The following HEATR6 variants were observed in gnomAD, a reference collection of about 807,000 sequenced individuals.
The protein encoded by HEATR6 is HEAT repeat-containing protein 6.
Under a neutral mutation model 132.8 loss-of-function variants are expected in HEATR6, and 106 were observed. The ratio of observed to expected loss-of-function variants is 0.80; its 90% CI spans 0.68 to 0.94. The LOEUF (loss-of-function observed/expected upper bound fraction) is 0.94, where lower values mean the gene tolerates loss of function less well. Among genes scored for constraint, HEATR6 ranks in the 40% least tolerant of loss-of-function variants. The pLI is 0.00. For synonymous variants in HEATR6, 529 were observed against 537.8 expected (o/e 0.98, Z 0.23); for missense variants, 1,339 against 1,425.1 (o/e 0.94, Z 0.97).
At chr17:60,068,801 TTCCC>T (rs2083255361) in intron 7 of HEATR6, among the ~76,000 whole-genome samples, 3 of 152,144 alleles carry the variant, frequency 2.0e-5, no homozygotes, top group African/African-American at 4.8e-5. Context: ...AAGCCTCCTC[TTCCC>T]CCTCCATTTA....
Position 60,050,835 on chromosome 17 carries a change from CACATT to C in HEATR6, c.2424+3_2424+7del. The stretch of plus-strand genomic sequence containing the variant: ...TGATTTAAGGGTGAGAAAACACCCT[CACATT>C]ACCGGCAGATTGCTGAAGGCCTCTG... On this transcript the variant is annotated splice_donor_5th_base_variant and intron_variant, in intron 15 of 19. Transcript: ENST00000184956. The C allele has an allele frequency of 6.2e-7, 1 of 1,614,088 alleles. No homozygotes were observed. The highest frequency in any genetic ancestry group is 8.5e-7 in the Non-Finnish European group (1 of 1,179,988).
intron 3 of HEATR6, 35 bp from the exon 4 acceptor site, chr17:60,073,314 A>G (rs776676720): frequency 2.5e-6 from 3 of 1,201,090 alleles, no homozygotes; most frequent in Admixed American, 3.6e-5. Flanking sequence ...GGTCAAAGAA[A>G]AGCTTCTAGG....
At chr17:60,078,658 T>TGGGGCC (rs967721153) in intron 1 of HEATR6, 38 bp downstream of exon 1, 55 of 1,493,456 alleles carry the variant, frequency 3.7e-5, no homozygotes, top group Middle Eastern at 2.2e-4. Context: ...CCCGGAGGGG[T>TGGGGCC]GGGGCCGGGG....
chr17:60,043,662 T>A lies in HEATR6; in HGVS notation c.3447A>T (p.Thr1149=), dbSNP rs115876236. 695 of 1,614,182 alleles carry A rather than the reference T, an allele frequency of 4.3e-4. 4 individuals carry two copies. The African/African-American group carries it at 8.4e-3, about 20-fold the overall frequency. The change falls in exon 20 of 20, where the codon ACA becomes ACT. Residue 1149 remains threonine (T), a synonymous_variant. Transcript: ENST00000184956. ...MGSIQAPTGD[T]ARRAIMGFLE... is the part of the protein sequence containing the mutation. ...AAAAGCCCATGATGGCCCTTCTGGC[T>A]GTGTCTCCAGTTGGTGCCTGGATGC...
Position 60,043,311 on chromosome 17 carries a change from T to C in HEATR6, c.*252A>G, listed in dbSNP as rs1906245074. 1.1e-5 allele frequency: 5 copies of C among 462,398 alleles called. No homozygotes were observed. The highest frequency in any genetic ancestry group is 1.9e-5 in the Non-Finnish European group (5 of 260,604). 28.6% of individuals were successfully genotyped at this position (462,398 alleles called of 1,614,324 possible). Reference sequence around the variant, plus strand: ...GCCCTCAAAGCCCGTCTGCTTGGCCTGTATTACAACCTGACTCCTCGGCTC... The same window carrying C: ...GCCCTCAAAGCCCGTCTGCTTGGCCCGTATTACAACCTGACTCCTCGGCTC... On this transcript the variant is annotated 3_prime_UTR_variant, in exon 20 of 20. Coordinates refer to ENST00000184956, the MANE Select transcript of HEATR6 (RefSeq NM_022070.5).
chr17:60,059,740 G>A, intron 10 of HEATR6, 150 bp downstream of exon 10: 1 of 692,404 alleles, frequency 1.4e-6, no homozygotes, highest in Non-Finnish European at 2.5e-6. Flanking sequence ...GATAAGATCA[G>A]ACGAGTAGGT....
chr17:60,072,385 C>A, intron 4 of HEATR6, 56 bp from the exon 5 acceptor site: 2 of 897,940 alleles, frequency 2.2e-6, no homozygotes, highest in South Asian at 1.6e-5. Context: ...ATGAGGCTTG[C>A]AAAAGACTAA....
chr17:60,066,432 T>A (rs1362806255), intron 8 of HEATR6, 46 bp from the exon 9 acceptor site: 1 of 1,403,410 alleles, frequency 7.1e-7, no homozygotes, highest in Non-Finnish European at 9.7e-7. Flanking sequence ...AAAAATCATT[T>A]TTTTAAAAAA....
Position 60,056,200 on chromosome 17 carries a change from G to A in HEATR6, c.2117C>T (p.Thr706Ile). The A allele has an allele frequency of 6.2e-7, 1 of 1,614,090 alleles. No individual in the cohort carries two copies. Among genetic ancestry groups the A allele is most frequent in the Non-Finnish European group, 8.5e-7 (1 of 1,179,958 alleles). ...TCCAAGCTCCATCAAGTAGGCTTGA[G>A]TCATTGAAAAGTAGCCCCTTGCCAG... ...TLLARGYFSM[T>I]QAYLMELGEV... Residue 706 changes from threonine to isoleucine, a missense_variant, in exon 13 of 20, where the codon ACT becomes ATT. Coordinates refer to ENST00000184956, the MANE Select transcript of HEATR6 (RefSeq NM_022070.5).
rs112404060 is a variant in HEATR6 at position 60,051,085 on chromosome 17, G to C, written c.2290-108C>G. 2.0e-5 allele frequency: 24 copies of C among 1,195,062 alleles called. 1 individual carries two copies. The highest frequency in any genetic ancestry group is 9.2e-5 in the African/African-American group (6 of 65,076). The allele number at this position is 1,195,062 out of a possible 1,614,324, so 74.0% of individuals were successfully genotyped here. ...TAGTGAAACATTTTCCCTTAAAGTA[G>C]CAGCTTTCTGTAAGTGTTTTCATTG... On this transcript the variant is annotated intron_variant, in intron 14 of 19. Coordinates refer to ENST00000184956, the MANE Select transcript of HEATR6 (RefSeq NM_022070.5).
chr17:60,059,355 T>C, intron 11 of HEATR6, 67 bp downstream of exon 11: 1 of 876,524 alleles, frequency 1.1e-6, no homozygotes, highest in South Asian at 1.5e-5. Flanking sequence ...TCTATATCTG[T>C]ATATTTTTAC....
rs112236216 is a variant in HEATR6 at position 60,042,985 on chromosome 17, G to A, written c.*578C>T. 2 of 133,124 alleles carry A rather than the reference G, an allele frequency of 1.5e-5. No homozygotes were observed. Among genetic ancestry groups the A allele is most frequent in the South Asian group, 2.7e-4 (2 of 7,494 alleles). 8.2% of individuals were successfully genotyped at this position (133,124 alleles called of 1,614,324 possible). A position where few individuals can be genotyped will look rare whatever the true frequency, so the allele number is the denominator to read the frequency against. On this transcript the variant is annotated 3_prime_UTR_variant, in exon 20 of 20. Coordinates refer to ENST00000184956, the MANE Select transcript of HEATR6 (RefSeq NM_022070.5). The stretch of plus-strand genomic sequence containing the variant: ...TGTGAGGCACTGTCAGCATCCTCGC[G>A]TCCTGTGTGGCTGTGAGGCACCGTC...
At chr17:60,048,118 G>C (rs1373134115) in intron 17 of HEATR6, 146 bp downstream of exon 17, 2 of 648,608 alleles carry the variant, frequency 3.1e-6, no homozygotes, top group Non-Finnish European at 4.9e-6. Context: ...TTTATTTTCT[G>C]AAGGAATATC....
chr17:60,071,613 G>A (rs1200410008), intron 5 of HEATR6, among the ~76,000 whole-genome samples: 3 of 152,040 alleles, frequency 2.0e-5, no homozygotes, highest in Non-Finnish European at 2.9e-5. Flanking sequence ...ATATTAACAG[G>A]AACCGAATAG....
chr17:60,066,490 T>C, intron 8 of HEATR6, 104 bp from the exon 9 acceptor site: 1 of 828,406 alleles, frequency 1.2e-6, no homozygotes, highest in Non-Finnish European at 1.8e-6. Flanking sequence ...AAATGATACA[T>C]TCAAAAATTA....
intron 16 of HEATR6, among the ~76,000 whole-genome samples, chr17:60,048,984 A>ACGTGTG (rs1568608344): frequency 4.4e-3 from 25 of 5,690 alleles, no homozygotes; most frequent in African/African-American, 0.028. Flanking sequence ...TATATATATA[A>ACGTGTG]TATATATATA....
At position 60,060,003 on chromosome 17, in the gene HEATR6, C is replaced by G; in HGVS notation, c.1510G>C (p.Ala504Pro). The G allele has an allele frequency of 1.2e-6, 2 of 1,613,868 alleles. No individual in the cohort carries two copies. Among genetic ancestry groups the G allele is most frequent in the Non-Finnish European group, 1.7e-6 (2 of 1,179,832 alleles). The change falls in exon 10 of 20, where the codon GCT (alanine) becomes CCT (proline). Residue 504 changes from alanine (A) to proline (P), a missense_variant. Transcript: ENST00000184956. ...VAEDTSDHRR[A>P]FTPFSVMIAC... ...ATCATTACGGAGAAGGGGGTAAAAG[C>G]CCTTCTGTGGTCACTGGTATCTTCA...
chr17:60,068,706 T>G (rs1400058124), intron 7 of HEATR6, among the ~76,000 whole-genome samples: 1 of 151,790 alleles, frequency 6.6e-6, no homozygotes, highest in African/African-American at 2.4e-5. Context: ...ATGCACCTTT[T>G]GGTTTATCTG....
chr17:60,067,637 G>A lies in HEATR6; in HGVS notation c.1035C>T (p.Val345=), dbSNP rs1195690520. 2.5e-6 allele frequency: 4 copies of A among 1,612,704 alleles called. No individual in the cohort carries two copies. Among genetic ancestry groups the A allele is most frequent in the Non-Finnish European group, 3.4e-6 (4 of 1,179,550 alleles). ...GCAGGTTCACTCTGCCTGTGCCAGT[G>A]ACTGGGGCTGCCTCTATTTCACCAC... ...ESSGEIEAAP[V]TGTGRVNLHE... The change falls in exon 8 of 20, where the codon GTC becomes GTT. Residue 345 remains valine, a synonymous_variant. Coordinates refer to ENST00000184956, the MANE Select transcript of HEATR6 (RefSeq NM_022070.5).
Sources: allele counts gnomAD v4.1 joint callset (sites outside exome capture counted in the v4.1 genomes callset), GRCh38; gene constraint gnomAD v4.1.1; transcripts MANE v1.5; gene names NCBI Gene and HGNC (gene_info 2026-07-23, HGNC 2026-07-21).